Variants in PLEKHG5 observed in about 807,000 individuals in gnomAD.
PLEKHG5 encodes pleckstrin homology and RhoGEF domain containing G5.
A neutral mutation model predicts 103.8 loss-of-function variants in PLEKHG5; 52 were observed. The ratio of observed to expected loss-of-function variants is 0.50; its 90% CI spans 0.40 to 0.63. PLEKHG5 has a LOEUF of 0.63. PLEKHG5 is among the 30% of genes least tolerant of loss of function. The probability of loss-of-function intolerance (pLI) is 0.00; values close to 1 mark genes in which losing one functional copy is unlikely to be tolerated. For missense variants in PLEKHG5, 1,205 were observed against 1,347.6 expected (o/e 0.89, Z 1.66); for synonymous variants, 592 against 575.5 (o/e 1.03, Z -0.41).
upstream of PLEKHG5, among the ~76,000 whole-genome samples, chr1:6,499,851 G>T (rs902095854): frequency 1.3e-5 from 2 of 152,110 alleles, no homozygotes; most frequent in African/African-American, 4.8e-5. Context: ...CCAGGCTGGA[G>T]TGCAGTGTTG....
In PLEKHG5 at chr1:6,468,393, T is replaced by C. The variant is rs747367303; in HGVS notation, c.2443A>G (p.Met815Val). ...LGPVDGRSCS[M>V]DSAYGTLSPT... ...GAGAGGGTGCCGTAGGCAGAGTCCA[T>C]GGAGCAGGAGCGGCCGTCCACCGGA... The change falls in exon 20 of 21, where the codon ATG becomes GTG. Residue 815 changes from methionine to valine, a missense_variant. Physicochemically the swap from Met to Val is conservative, Grantham distance 21. Transcript: ENST00000377728. The C allele has an allele frequency of 4.3e-6, 7 of 1,611,030 alleles. No homozygotes were observed. Among genetic ancestry groups the C allele is most frequent in the South Asian group, 2.2e-5 (2 of 90,784 alleles).
In PLEKHG5 at chr1:6,490,830, G is replaced by A. The variant is rs1454398018; in HGVS notation, c.-88+807C>T. 6.6e-6 allele frequency among the ~76,000 whole-genome samples: 1 copy of A among 152,146 alleles called. No homozygotes were observed. Among genetic ancestry groups the A allele is most frequent in the Non-Finnish European group, 1.5e-5 (1 of 68,014 alleles). Reference sequence around the variant, plus strand: ...CCAGCCCTTTGCAGATCTCCAAAAAGTTCAAAGTCCCTGGTCATTAACTTG... The same window carrying A: ...CCAGCCCTTTGCAGATCTCCAAAAAATTCAAAGTCCCTGGTCATTAACTTG... On this transcript the variant is annotated intron_variant, in intron 1 of 20. Coordinates refer to ENST00000377728, the MANE Select transcript of PLEKHG5 (RefSeq NM_020631.6). The surrounding 1 kb of genome is among the most constrained non-coding windows in gnomAD (Gnocchi z 8.0).
At chr1:6,502,715 G>A (rs893667865) in intron 1 of PLEKHG5, among the ~76,000 whole-genome samples, 3 of 152,188 alleles carry the variant, frequency 2.0e-5, no homozygotes, top group Non-Finnish European at 4.4e-5. Flanking sequence ...CACTCCAAGC[G>A]CCAGTCCCAC....
chr1:6,504,302 G>A (rs565726419), intron 1 of PLEKHG5, among the ~76,000 whole-genome samples: 18 of 151,552 alleles, frequency 1.2e-4, no homozygotes, highest in Admixed American at 8.5e-4. Context: ...CCCACATCCC[G>A]TGCTGCCTCC....
chr1:6,479,846 A>G (rs1332348528), intron 1 of PLEKHG5, among the ~76,000 whole-genome samples: 1 of 152,078 alleles, frequency 6.6e-6, no homozygotes, highest in Non-Finnish European at 1.5e-5. Flanking sequence ...CCTGGGCTCA[A>G]GCAATCTGCC....
intron 2 of PLEKHG5, among the ~76,000 whole-genome samples, chr1:6,476,453 A>ACC (rs1342794013): frequency 6.6e-6 from 1 of 152,136 alleles, no homozygotes; most frequent in Non-Finnish European, 1.5e-5. Flanking sequence ...TCAGCCTCCC[A>ACC]AAGGGCTGGG....
Position 6,487,265 on chromosome 1 carries a change from G to A in PLEKHG5, c.-88+4372C>T, listed in dbSNP as rs985064652. On this transcript the variant is annotated intron_variant, in intron 1 of 20. Coordinates refer to ENST00000377728, the MANE Select transcript of PLEKHG5 (RefSeq NM_020631.6). The surrounding 1 kb of genome is among the most constrained non-coding windows in gnomAD (Gnocchi z 4.1). ...CCAGTAGCTGGGATTACAGGCGCCC[G>A]CCACTACACCCAGCTACTTTTTGTA... Among the ~76,000 whole-genome samples, 3 of 152,102 alleles carry A rather than the reference G, an allele frequency of 2.0e-5. No homozygotes were observed. Among genetic ancestry groups the A allele is most frequent in the Admixed American group, 6.6e-5 (1 of 15,264 alleles).
chr1:6,491,304 C>G lies in PLEKHG5; in HGVS notation c.-88+333G>C, dbSNP rs552807649. Among the ~76,000 whole-genome samples, 105 of 152,210 alleles carry G rather than the reference C, an allele frequency of 6.9e-4. No individual in the cohort carries two copies. The South Asian group carries it at 0.011, about 17-fold the overall frequency. On this transcript the variant is annotated intron_variant, in intron 1 of 20. Coordinates refer to ENST00000377728, the MANE Select transcript of PLEKHG5 (RefSeq NM_020631.6). This position sits in a 1 kb window ranked among gnomAD's most constrained non-coding sequence, Gnocchi z 4.1. ...CTTTCAAGCTTTTTATACAGCCTTC[C>G]CCCGACCCCTTCCCAGGCCAAAACC...
chr1:6,517,442 G>A (rs1313356739), intron 1 of PLEKHG5, among the ~76,000 whole-genome samples: 1 of 152,108 alleles, frequency 6.6e-6, no homozygotes, highest in South Asian at 2.1e-4. Flanking sequence ...ACACCTGGAC[G>A]CAATCTCCCT....
rs7412784 is a variant in PLEKHG5, at chr1:6,504,897, G to A, written c.-164-8328C>T. On this transcript the variant is annotated intron_variant, in intron 1 of 21. Coordinates refer to the PLEKHG5 transcript ENST00000377740. ...ACCTCCCTTTTCAAAACCCTTCGCT[G>A]TATGGTCTGCGGGCTCCCTCTTGCC... is the stretch of plus-strand genomic sequence containing the variant. 1.7e-3 allele frequency among the ~76,000 whole-genome samples: 262 copies of A among 152,270 alleles called. 1 individual carries two copies. Among genetic ancestry groups the A allele is most frequent in the African/African-American group, 6.1e-3 (254 of 41,554 alleles).
intron 1 of PLEKHG5, among the ~76,000 whole-genome samples, chr1:6,489,019 G>T (rs947398869): frequency 6.6e-6 from 1 of 152,154 alleles, no homozygotes; most frequent in African/African-American, 2.4e-5. Flanking sequence ...GTCTGGGTGG[G>T]AGAGGGACTT....
At position 6,477,616 on chromosome 1, in the gene PLEKHG5, GC is replaced by G; in HGVS notation, c.-46del. The G allele has an allele frequency of 3.1e-6, 5 of 1,609,904 alleles. No individual in the cohort carries two copies. On this transcript the variant is annotated 5_prime_UTR_variant, in exon 2 of 21. The change abolishes the stop of an existing upstream ORF in the 5' untranslated region. Coordinates refer to ENST00000377728, the MANE Select transcript of PLEKHG5 (RefSeq NM_020631.6). Reference sequence around the variant, plus strand: ...TCACAGGCCTCGCAGAGGTTGAGGGGCCCCCGGCGGTGCAGCTGCTGGCAGT... The same window carrying G: ...TCACAGGCCTCGCAGAGGTTGAGGGGCCCCGGCGGTGCAGCTGCTGGCAGT...
At chr1:6,473,955 G>A in intron 7 of PLEKHG5, 58 bp downstream of exon 7, 1 of 1,494,412 alleles carries the variant, frequency 6.7e-7, no homozygotes. Flanking sequence ...AGGAGGGGCT[G>A]TGGGCCCAGC....
rs199503669 is a variant in PLEKHG5 at position 6,474,045 on chromosome 1, C to A, written c.559G>T (p.Ala187Ser). The part of the protein sequence containing the change: ...TGPPALERVD[A>S]QSRRESLDIL... ...TCCAGGCTCTCCCGGCGGCTCTGGG[C>A]GTCCACACGCTCCAGGGCGGGGGGC... is the stretch of plus-strand genomic sequence containing the variant. Residue 187 changes from alanine to serine, a missense_variant, in exon 7 of 21, where the codon GCC (alanine) becomes TCC (serine). Coordinates refer to ENST00000377728, the MANE Select transcript of PLEKHG5 (RefSeq NM_020631.6). 11 of 1,467,866 alleles carry A rather than the reference C, an allele frequency of 7.5e-6. No homozygotes were observed. The highest frequency in any genetic ancestry group is 7.2e-5 in the Admixed American group (4 of 55,300). 90.9% of individuals were successfully genotyped at this position (1,467,866 alleles called of 1,614,324 possible).
At chr1:6,511,875 G>A (rs573326902) in intron 1 of PLEKHG5, among the ~76,000 whole-genome samples, 2 of 152,316 alleles carry the variant, frequency 1.3e-5, no homozygotes, top group South Asian at 4.1e-4. Context: ...GCCCAGGGCC[G>A]GGCAGGGGAG....
chr1:6,507,667 C>G (rs1458052291), intron 1 of PLEKHG5, among the ~76,000 whole-genome samples: 1 of 152,204 alleles, frequency 6.6e-6, no homozygotes, highest in African/African-American at 2.4e-5. Flanking sequence ...GCAGGGGGTG[C>G]TGGAGTGGCC....
chr1:6,509,546 G>A (rs564911995), intron 1 of PLEKHG5, among the ~76,000 whole-genome samples: 6 of 152,334 alleles, frequency 3.9e-5, no homozygotes, highest in South Asian at 2.1e-4. Context: ...AGGAAGCCAC[G>A]GCCACTCGGG....
chr1:6,476,836 C>A (rs756754130), intron 2 of PLEKHG5, among the ~76,000 whole-genome samples: 1 of 152,092 alleles, frequency 6.6e-6, no homozygotes, highest in Non-Finnish European at 1.5e-5. Flanking sequence ...CTCACTGGAG[C>A]CTCCATTGTC....
upstream of PLEKHG5, chr1:6,497,424 CG>C: frequency 1.1e-6 from 1 of 893,170 alleles, no homozygotes; most frequent in Non-Finnish European, 1.3e-6. This position sits in a 1 kb window ranked among gnomAD's most constrained non-coding sequence, Gnocchi z 6.1. Flanking sequence ...GACCCTCGCA[CG>C]GGAGGCGGGC....
Sources: gnomAD v4.1 joint callset for allele counts (sites outside exome capture counted in the v4.1 genomes callset) on GRCh38, gnomAD v4.1.1 for gene constraint, Gnocchi (gnomAD v3.1) non-coding constraint, MANE v1.5 for transcripts, NCBI Gene and HGNC (gene_info 2026-07-23, HGNC 2026-07-21) for gene names.